RORC: variants seen among roughly 807,000 people sequenced by gnomAD.
RORC encodes RAR related orphan receptor C, also known as nuclear receptor ROR-gamma.
In RORC, 13 loss-of-function variants were observed where a neutral mutation model predicts 64.5. That is an observed-to-expected ratio of 0.20 (90% confidence interval 0.13 to 0.32). The LOEUF (loss-of-function observed/expected upper bound fraction) is 0.32, where lower values mean the gene tolerates loss of function less well. Ranked by LOEUF, RORC falls within the 10% of genes least tolerant of loss-of-function variation. The probability of loss-of-function intolerance (pLI) is 1.00; values close to 1 mark genes in which losing one functional copy is unlikely to be tolerated. For synonymous variants in RORC, 277 were observed against 259.3 expected, an observed-to-expected ratio of 1.07 and a Z score of -0.65; for missense variants, 468 against 669.5, an observed-to-expected ratio of 0.70 and a Z score of 3.32.
At position 151,807,437 on chromosome 1, in the gene RORC, G is replaced by A; in HGVS notation, c.*35C>T. The A allele has an allele frequency of 7.5e-6, 12 of 1,609,292 alleles. No individual in the cohort carries two copies. The highest frequency in any genetic ancestry group is 1.0e-5 in the Non-Finnish European group (12 of 1,176,634). ...CGGGGTCCAGGGAGGTGGGCCAGCA[G>A]GCCATAGGGAGAGGCAAGGAGTCCC... is the stretch of plus-strand genomic sequence containing the variant. On this transcript the variant is annotated 3_prime_UTR_variant, in exon 11 of 11. Coordinates refer to ENST00000318247, the MANE Select transcript of RORC (RefSeq NM_005060.4). This position sits in a 1 kb window ranked among gnomAD's most constrained non-coding sequence, Gnocchi z 5.0.
intron 4 of RORC, 43 bp from the exon 5 acceptor site, chr1:151,815,468 C>T (rs966711537): frequency 6.0e-6 from 9 of 1,511,136 alleles, no homozygotes; most frequent in Non-Finnish European, 7.1e-6. Flanking sequence ...GGCAGGAGAA[C>T]ATGGCACAGG....
At chr1:151,827,604 GC>G in intron 2 of RORC, among the ~76,000 whole-genome samples, 6 of 152,340 alleles carry the variant, frequency 3.9e-5, no homozygotes, top group Admixed American at 3.9e-4. Context: ...CCTGGGGGAG[GC>G]CTTAATGTCT....
chr1:151,810,057 A>G (rs747567689), intron 10 of RORC, among the ~76,000 whole-genome samples: 1 of 152,074 alleles, frequency 6.6e-6, no homozygotes, highest in Non-Finnish European at 1.5e-5. Flanking sequence ...AGGATGTACC[A>G]TGAGTGATTC....
intron 6 of RORC, 41 bp from the exon 7 acceptor site, chr1:151,813,661 G>A (rs1290967568): frequency 2.5e-6 from 4 of 1,607,254 alleles, no homozygotes; most frequent in Admixed American, 3.4e-5. Flanking sequence ...CGCTCTGTGT[G>A]GCCCTGTGAT....
chr1:151,814,779 T>G (rs991398962), intron 5 of RORC, 84 bp from the exon 6 acceptor site: 1 of 1,553,528 alleles, frequency 6.4e-7, no homozygotes, highest in African/African-American at 1.4e-5. Context: ...GCCTGGCCTA[T>G]CCTGCTCCGC....
Position 151,815,098 on chromosome 1 carries a change from C to A in RORC, c.626G>T (p.Gly209Val). Residue 209 changes from glycine (G) to valine (V), a missense_variant, in exon 5 of 11, where the codon GGC (glycine) becomes GTC (valine). Physicochemically the swap from Gly to Val is moderately radical, Grantham distance 109. Around this residue, in one of 5 missense-constraint regions of RORC, gnomAD observed 241 missense variants for 295.5 expected, o/e 0.82. Transcript: ENST00000318247. ...GAAGCTCTCTCTGCCCTCAGCCTTGCCCCGCTCAGGGCTGTATTCAAGGTG... is the reference window on the plus strand; with the variant it reads ...GAAGCTCTCTCTGCCCTCAGCCTTGACCCGCTCAGGGCTGTATTCAAGGTG... ...SCHLEYSPER[G>V]KAEGRESFYS... The A allele has an allele frequency of 3.1e-6, 5 of 1,614,232 alleles. No homozygotes were observed. Among genetic ancestry groups the A allele is most frequent in the Non-Finnish European group, 4.2e-6 (5 of 1,180,040 alleles).
At chr1:151,813,116 A>G in intron 8 of RORC, 59 bp from the exon 9 acceptor site, 1 of 1,480,446 alleles carries the variant, frequency 6.8e-7, no homozygotes, top group Non-Finnish European at 9.4e-7. Context: ...GCCCGAGGAC[A>G]CCGCCCTTAT....
In RORC at chr1:151,813,554, A is replaced by G. The variant is rs542407905; in HGVS notation, c.1000T>C (p.Phe334Leu). 6.2e-7 allele frequency: 1 copy of G among 1,613,678 alleles called. No homozygotes were observed. The highest frequency in any genetic ancestry group is 8.5e-7 in the Non-Finnish European group (1 of 1,179,928). The change falls in exon 7 of 11, where the codon TTC becomes CTC. Residue 334 changes from phenylalanine to leucine, a missense_variant. Phe to Leu is a conservative substitution (Grantham distance 22). Around this residue, in one of 5 missense-constraint regions of RORC, gnomAD observed 100 missense variants for 190.8 expected, o/e 0.52. Transcript: ENST00000318247. ...LTEAIQYVVE[F>L]AKRLSGFMEL... ...ATAAAGCCTGAGAGCCTCTTGGCGAACTCCACCACGTACTGAATGGCCTCG... is the reference window on the plus strand; with the variant it reads ...ATAAAGCCTGAGAGCCTCTTGGCGAGCTCCACCACGTACTGAATGGCCTCG...
At chr1:151,826,813 A>C (rs1652211958) in intron 2 of RORC, among the ~76,000 whole-genome samples, 1 of 152,164 alleles carries the variant, frequency 6.6e-6, no homozygotes, top group African/African-American at 2.4e-5. Context: ...GGATAATCTA[A>C]TCCTCACAAA....
At position 151,807,975 on chromosome 1, in the gene RORC, C is replaced by G. The variant is rs566100740; in HGVS notation, c.1396-342G>C. Among the ~76,000 whole-genome samples, 1 of 152,226 alleles carries G rather than the reference C, an allele frequency of 6.6e-6. No homozygotes were observed. The highest frequency in any genetic ancestry group is 1.5e-5 in the Non-Finnish European group (1 of 68,034). ...TCTTGTTGTATGCTGTCACATGCCT[C>G]TGCCTTTGTGCATGTTGTTCCCCTC... is the stretch of plus-strand genomic sequence containing the variant. On this transcript the variant is annotated intron_variant, in intron 10 of 10. Transcript: ENST00000318247. The surrounding 1 kb of genome is among the most constrained non-coding windows in gnomAD (Gnocchi z 5.0).
intron 10 of RORC, among the ~76,000 whole-genome samples, chr1:151,808,314 T>A (rs549377279): frequency 1.3e-5 from 2 of 152,314 alleles, no homozygotes; most frequent in African/African-American, 4.8e-5. Context: ...CTGCCAGCAC[T>A]CAGCCAAAGG....
intron 2 of RORC, among the ~76,000 whole-genome samples, chr1:151,818,972 G>A (rs575157239): frequency 2.5e-4 from 38 of 152,214 alleles, no homozygotes; most frequent in African/African-American, 9.2e-4. Flanking sequence ...ACCCTGACGG[G>A]GACAGGGCAC....
At chr1:151,810,812 C>T (rs1267246213) in intron 10 of RORC, among the ~76,000 whole-genome samples, 2 of 152,316 alleles carry the variant, frequency 1.3e-5, no homozygotes, top group African/African-American at 4.8e-5. Flanking sequence ...GGATTACAGG[C>T]GTGAGCCACT....
chr1:151,822,323 G>A (rs1397978631), intron 2 of RORC, among the ~76,000 whole-genome samples: 1 of 152,180 alleles, frequency 6.6e-6, no homozygotes, highest in African/African-American at 2.4e-5. Context: ...TGGGGGCTGG[G>A]GGAGAAGTGG....
intron 2 of RORC, among the ~76,000 whole-genome samples, chr1:151,820,531 C>T (rs934549256): frequency 1.3e-5 from 2 of 152,142 alleles, no homozygotes; most frequent in African/African-American, 4.8e-5. Context: ...CACCACTGCT[C>T]CCATGGCAGC....
chr1:151,818,494 G>A (rs891527813), intron 2 of RORC, among the ~76,000 whole-genome samples: 2 of 152,124 alleles, frequency 1.3e-5, no homozygotes, highest in Non-Finnish European at 2.9e-5. Context: ...CAATGCCCAC[G>A]ACTCTCTGCT....
At position 151,815,401 on chromosome 1, in the gene RORC, T is replaced by C; in HGVS notation, c.323A>G (p.Lys108Arg). 2 of 1,534,410 alleles carry C rather than the reference T, an allele frequency of 1.3e-6. No individual in the cohort carries two copies. Among genetic ancestry groups the C allele is most frequent in the Non-Finnish European group, 1.8e-6 (2 of 1,140,864 alleles). ...TGCATGCAGGCTGTCCCTCTGCTTC[T>C]TGGACATGCGGCCGAACTTGACAGC... ...RDAVKFGRMS[K>R]KQRDSLHAEV... The change falls in exon 5 of 11, where the codon AAG becomes AGG. Residue 108 changes from lysine to arginine, a missense_variant. By Grantham distance (26) the Lys-to-Arg change is conservative. This residue lies in a region of RORC where 241 missense variants were observed against 295.5 expected (regional missense o/e 0.82). Coordinates refer to ENST00000318247, the MANE Select transcript of RORC (RefSeq NM_005060.4).
At position 151,830,928 on chromosome 1, in the gene RORC, C is replaced by T. The variant is rs971467102; in HGVS notation, c.40+797G>A. On this transcript the variant is annotated intron_variant, in intron 1 of 10. Transcript: ENST00000318247. The surrounding 1 kb of genome is among the most constrained non-coding windows in gnomAD (Gnocchi z 4.0). ...TGGTGGGGGTGCTCCCCTTGCTCAC[C>T]CAGGCAGCCAGTTCTTCCTCCACCA... is the stretch of plus-strand genomic sequence containing the variant. 2 of 1,288,442 alleles carry T rather than the reference C, an allele frequency of 1.6e-6. No homozygotes were observed. The highest frequency in any genetic ancestry group is 3.0e-5 in the African/African-American group (2 of 65,842). The allele number at this position is 1,288,442 out of a possible 1,614,324, so 79.8% of individuals were successfully genotyped here.
At chr1:151,831,189 G>A (rs1274724586) in intron 1 of RORC, 6 of 1,140,860 alleles carry the variant, frequency 5.3e-6, no homozygotes, top group Middle Eastern at 2.4e-4. Flanking sequence ...ACCAGGCTAC[G>A]TGGTCATGGG....
Sources: gnomAD v4.1 joint callset for allele counts (sites outside exome capture counted in the v4.1 genomes callset) on GRCh38, gnomAD v4.1.1 for gene constraint, gnomAD v4.1.1 regional missense constraint, Gnocchi (gnomAD v3.1) non-coding constraint, MANE v1.5 for transcripts, NCBI Gene and HGNC (gene_info 2026-07-23, HGNC 2026-07-21) for gene names.